Variants in EIPR1 observed in about 807,000 individuals in gnomAD.
EIPR1 encodes the protein EARP and GARP complex-interacting protein 1.
In EIPR1, 25 loss-of-function variants were observed where a neutral mutation model predicts 48.1. The ratio of observed to expected loss-of-function variants is 0.52; its 90% confidence interval spans 0.38 to 0.73. The LOEUF (loss-of-function observed/expected upper bound fraction) is 0.73. Among genes scored for constraint, EIPR1 ranks in the 30% least tolerant of loss-of-function variants. The probability of loss-of-function intolerance (pLI) is 0.00; values close to 1 mark genes in which losing one functional copy is unlikely to be tolerated. For missense variants in EIPR1, 415 were observed against 506.2 expected (o/e 0.82, Z 1.73); for synonymous variants, 204 against 201.9 (o/e 1.01, Z -0.09).
intron 4 of EIPR1, among the ~76,000 whole-genome samples, chr2:3,232,184 TTTTG>T (rs1423601693): frequency 6.6e-6 from 1 of 152,220 alleles, no homozygotes; most frequent in Non-Finnish European, 1.5e-5. Context: ...TTATTTCTGA[TTTTG>T]TTTGTGTTTT....
At chr2:3,300,815 A>G (rs1269217903) in intron 3 of EIPR1, 1 of 152,232 alleles carries the variant, frequency 6.6e-6, no homozygotes, top group Admixed American at 6.5e-5. Context: ...AAGAGAGTAT[A>G]TATGTCATGG....
intron 3 of EIPR1, among the ~76,000 whole-genome samples, chr2:3,324,823 G>A (rs954594316): frequency 4.0e-5 from 6 of 148,306 alleles, no homozygotes; most frequent in East Asian, 2.0e-4. Flanking sequence ...GGCCGCTGCC[G>A]CGCCTCCAGC....
intron 4 of EIPR1, among the ~76,000 whole-genome samples, chr2:3,244,943 G>A (rs1666749164): frequency 6.6e-6 from 1 of 152,114 alleles, no homozygotes; most frequent in Non-Finnish European, 1.5e-5. Flanking sequence ...TAAAATCCTA[G>A]GGGAGATAGG....
At chr2:3,345,359 G>A (rs940295411) in intron 2 of EIPR1, among the ~76,000 whole-genome samples, 2 of 152,204 alleles carry the variant, frequency 1.3e-5, no homozygotes, top group African/African-American at 2.4e-5. Flanking sequence ...TATAACCCCA[G>A]CACTTTGGGA....
chr2:3,359,825 T>C (rs548434382), intron 1 of EIPR1, among the ~76,000 whole-genome samples: 106 of 152,356 alleles, frequency 7.0e-4, no homozygotes, highest in African/African-American at 2.5e-3. Context: ...TCACACATTC[T>C]GTCTTGGTTC....
chr2:3,259,535 G>A (rs1667263515), intron 3 of EIPR1, among the ~76,000 whole-genome samples: 1 of 152,152 alleles, frequency 6.6e-6, no homozygotes, highest in African/African-American at 2.4e-5. Flanking sequence ...TCCGGTTCAT[G>A]TAGCGCTATT....
At chr2:3,303,152 T>C (rs1668811011) in intron 3 of EIPR1, among the ~76,000 whole-genome samples, 1 of 152,176 alleles carries the variant, frequency 6.6e-6, no homozygotes. Flanking sequence ...ACGTCACGTG[T>C]ATTTGCTGCA....
intron 5 of EIPR1, among the ~76,000 whole-genome samples, chr2:3,210,865 C>CG (rs1665424821): frequency 1.3e-5 from 2 of 152,114 alleles, no homozygotes; most frequent in African/African-American, 4.8e-5. Flanking sequence ...CCTCAAACTC[C>CG]TGATGTAAGG....
chr2:3,369,413 A>G (rs4854184), intron 1 of EIPR1, among the ~76,000 whole-genome samples: 31,360 of 152,090 alleles, frequency 0.21, 3,757 homozygotes, highest in East Asian at 0.57. Context: ...AACCGTGCGC[A>G]AGCCGAAGCA....
intron 3 of EIPR1, among the ~76,000 whole-genome samples, chr2:3,260,574 A>G (rs1366974121): frequency 1.3e-5 from 2 of 151,398 alleles, no homozygotes; most frequent in East Asian, 3.9e-4. Flanking sequence ...GAAAGAAAAC[A>G]AAAGAAAAGA....
intron 3 of EIPR1, among the ~76,000 whole-genome samples, chr2:3,280,320 A>G (rs1486868139): frequency 2.0e-5 from 3 of 152,242 alleles, no homozygotes. Context: ...CCTCACGCAC[A>G]CAGAGGAACT....
chr2:3,360,281 G>A (rs1048390552), intron 1 of EIPR1, among the ~76,000 whole-genome samples: 12 of 152,130 alleles, frequency 7.9e-5, no homozygotes, highest in Middle Eastern at 3.4e-3. Flanking sequence ...GTGAGCGCCT[G>A]TAATCTCAGC....
At chr2:3,272,074 C>G (rs1050960320) in intron 3 of EIPR1, among the ~76,000 whole-genome samples, 1 of 152,234 alleles carries the variant, frequency 6.6e-6, no homozygotes, top group African/African-American at 2.4e-5. Context: ...CCTCGTGAAC[C>G]AACCTCTGCT....
chr2:3,210,627 C>CTTT lies in EIPR1; in HGVS notation c.516+3519_516+3521dup, dbSNP rs56963007. Among the ~76,000 whole-genome samples the CTTT allele has an allele frequency of 3.1e-4, 37 of 118,412 alleles. 14 individuals carry two copies. Among genetic ancestry groups the CTTT allele is most frequent in the Non-Finnish European group, 1.9e-4 (11 of 57,630 alleles). The allele number at this position is 118,412 out of a possible 152,430, so 77.7% of individuals were successfully genotyped here. A position where few individuals can be genotyped will look rare whatever the true frequency, so the allele number is the denominator to read the frequency against. On this transcript the variant is annotated intron_variant, in intron 5 of 8. Transcript: ENST00000382125. ...TCTTCTCACTGTTTACCTCCCAATTCTTTTTTTTTTTTTTTTTTTTTGAGA... is the reference window on the plus strand; with the variant it reads ...TCTTCTCACTGTTTACCTCCCAATTCTTTTTTTTTTTTTTTTTTTTTTTTGAGA...
chr2:3,278,729 A>G (rs925579816), intron 3 of EIPR1, among the ~76,000 whole-genome samples: 2 of 152,058 alleles, frequency 1.3e-5, no homozygotes, highest in Non-Finnish European at 2.9e-5. Flanking sequence ...TCCAAAACCC[A>G]ACTACATACA....
intron 8 of EIPR1, 125 bp downstream of exon 8, chr2:3,192,289 G>T: frequency 8.4e-7 from 1 of 1,187,296 alleles, no homozygotes; most frequent in Non-Finnish European, 1.1e-6. Flanking sequence ...GCTGCAGTGG[G>T]TAAGGAGAGT....
At chr2:3,307,107 C>T (rs6740681) in intron 3 of EIPR1, among the ~76,000 whole-genome samples, 26,649 of 151,796 alleles carry the variant, frequency 0.18, 2,829 homozygotes, top group African/African-American at 0.31. Context: ...GGATTACAGG[C>T]GCCTGCCACC....
chr2:3,269,812 G>A (rs1338489305), intron 3 of EIPR1, among the ~76,000 whole-genome samples: 2 of 152,246 alleles, frequency 1.3e-5, no homozygotes, highest in Non-Finnish European at 2.9e-5. Flanking sequence ...GGCACAGGCA[G>A]ATGGCACAAC....
intron 4 of EIPR1, among the ~76,000 whole-genome samples, chr2:3,237,961 GT>G (rs1437134705): frequency 6.6e-6 from 1 of 152,156 alleles, no homozygotes; most frequent in East Asian, 1.9e-4. Context: ...AATCCAAGGG[GT>G]GAAGGACATT....
Sources: allele counts gnomAD v4.1 joint callset (sites outside exome capture counted in the v4.1 genomes callset), GRCh38; gene constraint gnomAD v4.1.1; transcripts MANE v1.5; gene names NCBI Gene and HGNC (gene_info 2026-07-23, HGNC 2026-07-21).